The following PCSK5 variants were observed in gnomAD, a reference collection of about 807,000 sequenced individuals.
The protein encoded by PCSK5 is prohormone convertase 5.
PCSK5 carries 129 observed loss-of-function variants against 233.2 expected under a neutral mutation model. That is an observed-to-expected ratio of 0.55 (90% confidence interval 0.48 to 0.64). The LOEUF is 0.64. Ranked by LOEUF, PCSK5 falls within the 30% of genes least tolerant of loss-of-function variation. PCSK5 has a pLI of 0.00. For missense variants in PCSK5, 2,076 were observed against 2,430.1 expected (o/e 0.85, Z 3.06); for synonymous variants, 825 against 879.2 (o/e 0.94, Z 1.09).
At chr9:76,324,877 T>C (rs1342375468) in intron 32 of PCSK5, among the ~76,000 whole-genome samples, 2 of 151,874 alleles carry the variant, frequency 1.3e-5, no homozygotes, top group Non-Finnish European at 2.9e-5. Flanking sequence ...AAGATAGATG[T>C]CCAGAGGCAA....
chr9:75,950,041 A>G (rs1270788952), intron 2 of PCSK5, among the ~76,000 whole-genome samples: 2 of 151,444 alleles, frequency 1.3e-5, no homozygotes, highest in Non-Finnish European at 2.9e-5. Flanking sequence ...GTAGTTTAGT[A>G]GAAAGACAAA....
At chr9:75,995,051 A>G (rs1449421773) in intron 3 of PCSK5, among the ~76,000 whole-genome samples, 2 of 152,090 alleles carry the variant, frequency 1.3e-5, no homozygotes, top group Non-Finnish European at 2.9e-5. Flanking sequence ...AGATCCTTTA[A>G]ACATGTTCTC....
At chr9:76,044,025 C>T (rs2131539891) in intron 5 of PCSK5, among the ~76,000 whole-genome samples, 1 of 152,202 alleles carries the variant, frequency 6.6e-6, no homozygotes, top group East Asian at 1.9e-4. Flanking sequence ...AAAAGGGTGG[C>T]TTGAAAAATG....
chr9:75,905,824 A>G (rs1229550011), intron 1 of PCSK5, among the ~76,000 whole-genome samples: 1 of 152,046 alleles, frequency 6.6e-6, no homozygotes, highest in Non-Finnish European at 1.5e-5. Flanking sequence ...TCTGATATGG[A>G]ACAGTTTCAT....
intron 28 of PCSK5, among the ~76,000 whole-genome samples, chr9:76,303,697 G>T (rs186471757): frequency 6.6e-6 from 1 of 152,292 alleles, no homozygotes; most frequent in East Asian, 1.9e-4. Context: ...TCTCTTTGGG[G>T]CTGAGTGATA....
intron 6 of PCSK5, among the ~76,000 whole-genome samples, chr9:76,069,680 T>TC (rs556611309): frequency 1.3e-3 from 195 of 152,342 alleles, no homozygotes; most frequent in African/African-American, 3.7e-3. Flanking sequence ...AAGCATTTTT[T>TC]CATGCATGAC....
chr9:76,073,159 T>C (rs1830535778), intron 7 of PCSK5, among the ~76,000 whole-genome samples: 1 of 152,198 alleles, frequency 6.6e-6, no homozygotes, highest in Non-Finnish European at 1.5e-5. Flanking sequence ...GCTCAGATAC[T>C]TACAGTGGAA....
chr9:76,156,295 G>A (rs1822576341), intron 10 of PCSK5, among the ~76,000 whole-genome samples: 2 of 152,170 alleles, frequency 1.3e-5, no homozygotes, highest in African/African-American at 2.4e-5. Context: ...AGACAGTTAT[G>A]TCAAATTCAG....
At position 76,193,257 on chromosome 9, in the gene PCSK5, G is replaced by A. The variant is rs148131474; in HGVS notation, c.2626+3511G>A. On this transcript the variant is annotated intron_variant, in intron 20 of 37. Coordinates refer to ENST00000674117, the MANE Select transcript of PCSK5 (RefSeq NM_001372043.1). ...AAAAGCAACGGAAGAGTCCTGGGCGGAAGGAGGCTTCTGTATGCTTGTGAA... is the reference window on the plus strand; with the variant it reads ...AAAAGCAACGGAAGAGTCCTGGGCGAAAGGAGGCTTCTGTATGCTTGTGAA... 6.3e-4 allele frequency: 1,023 copies of A among 1,613,488 alleles called. 1 individual carries two copies. The highest frequency in any genetic ancestry group is 1.2e-3 in the Admixed American group (73 of 59,952).
intron 20 of PCSK5, among the ~76,000 whole-genome samples, chr9:76,204,911 AT>A (rs1245117376): frequency 6.6e-6 from 1 of 152,156 alleles, no homozygotes; most frequent in Non-Finnish European, 1.5e-5. Flanking sequence ...CACTGGCTGG[AT>A]CACTGTTGAG....
At chr9:76,299,476 C>A (rs906056155) in intron 27 of PCSK5, among the ~76,000 whole-genome samples, 2 of 152,120 alleles carry the variant, frequency 1.3e-5, no homozygotes, top group African/African-American at 4.8e-5. Context: ...CGAGACCAAC[C>A]TGGCCAACAT....
At chr9:76,345,969 G>A (rs1324969346) in intron 35 of PCSK5, among the ~76,000 whole-genome samples, 1 of 150,074 alleles carries the variant, frequency 6.7e-6, no homozygotes, top group African/African-American at 2.5e-5. Flanking sequence ...ATCAGTGCAC[G>A]TTGGCCTCCC....
chr9:76,015,321 A>G (rs994274647), intron 3 of PCSK5, among the ~76,000 whole-genome samples: 1 of 152,202 alleles, frequency 6.6e-6, no homozygotes, highest in Admixed American at 6.5e-5. Context: ...AGCTCCATCT[A>G]TCCAAACGCT....
chr9:76,006,675 A>G (rs1827490942), intron 3 of PCSK5, among the ~76,000 whole-genome samples: 1 of 152,142 alleles, frequency 6.6e-6, no homozygotes, highest in South Asian at 2.1e-4. Flanking sequence ...TTAGATTTGC[A>G]AATAAATATG....
At chr9:76,034,943 T>A (rs1471096339) in intron 5 of PCSK5, among the ~76,000 whole-genome samples, 1 of 152,144 alleles carries the variant, frequency 6.6e-6, no homozygotes, top group East Asian at 1.9e-4. Flanking sequence ...TTATATACAG[T>A]GGGCCTTTGT....
chr9:76,261,168 T>G (rs1252534180), intron 24 of PCSK5, among the ~76,000 whole-genome samples: 1 of 152,194 alleles, frequency 6.6e-6, no homozygotes, highest in East Asian at 1.9e-4. Context: ...CACTGGGTGC[T>G]TCCTGAGGTG....
intron 9 of PCSK5, among the ~76,000 whole-genome samples, chr9:76,110,189 T>C (rs1176423726): frequency 6.6e-6 from 1 of 152,184 alleles, no homozygotes; most frequent in Non-Finnish European, 1.5e-5. Context: ...TAGGCAGAGT[T>C]ATGACTCAGG....
intron 24 of PCSK5, among the ~76,000 whole-genome samples, chr9:76,256,607 A>T (rs1826990312): frequency 6.6e-6 from 1 of 152,192 alleles, no homozygotes; most frequent in African/African-American, 2.4e-5. Context: ...AACCTGGAAA[A>T]TCATTGCCAA....
At chr9:76,301,280 A>AG (rs1014368482) in intron 27 of PCSK5, among the ~76,000 whole-genome samples, 14 of 151,612 alleles carry the variant, frequency 9.2e-5, no homozygotes, top group Non-Finnish European at 1.3e-4. Context: ...AAAAAAAAAA[A>AG]AAAGAAAGAA....
Sources: gnomAD v4.1 joint callset for allele counts (sites outside exome capture counted in the v4.1 genomes callset) on GRCh38, gnomAD v4.1.1 for gene constraint, MANE v1.5 for transcripts, NCBI Gene and HGNC (gene_info 2026-07-23, HGNC 2026-07-21) for gene names.